ANKRD26: variants seen among roughly 807,000 people sequenced by gnomAD.
ANKRD26 encodes the protein ankyrin repeat domain-containing protein 26.
ANKRD26 carries 141 observed loss-of-function variants against 208.7 expected under a neutral mutation model. That is an observed-to-expected ratio of 0.68 (90% confidence interval 0.59 to 0.78). The LOEUF (loss-of-function observed/expected upper bound fraction) is 0.78. Ranked by LOEUF, ANKRD26 falls within the 30% of genes least tolerant of loss-of-function variation. The pLI is 0.00. For missense variants in ANKRD26, 1,889 were observed against 1,938.7 expected (o/e 0.97, Z 0.48); for synonymous variants, 636 against 660.4 (o/e 0.96, Z 0.57).
intron 25 of ANKRD26, among the ~76,000 whole-genome samples, chr10:27,032,403 G>C (rs963055998): frequency 1.3e-5 from 2 of 152,098 alleles, no homozygotes; most frequent in Non-Finnish European, 2.9e-5. Context: ...GGGAGGCCGA[G>C]GGGGGTGGAT....
chr10:27,051,176 T>C (rs2054644783), intron 16 of ANKRD26: 7 of 1,289,956 alleles, frequency 5.4e-6, no homozygotes, highest in African/African-American at 1.5e-5. Flanking sequence ...GAGATACTTT[T>C]GATGTTCTGT....
chr10:27,071,820 C>T (rs970286765), intron 9 of ANKRD26, among the ~76,000 whole-genome samples: 3 of 152,086 alleles, frequency 2.0e-5, no homozygotes, highest in Non-Finnish European at 2.9e-5. Context: ...AGCCCTAACT[C>T]CCCCCGCGCT....
chr10:27,037,482 A>G (rs1316076750), intron 22 of ANKRD26, among the ~76,000 whole-genome samples, 159 bp from the exon 23 acceptor site: 1 of 152,230 alleles, frequency 6.6e-6, no homozygotes, highest in Non-Finnish European at 1.5e-5. Context: ...TAATCACCTA[A>G]GTGACAGCTA....
At chr10:26,978,179 AG>A (rs1476317108) in intron 5 of ANKRD26, among the ~76,000 whole-genome samples, 1 of 151,974 alleles carries the variant, frequency 6.6e-6, no homozygotes, top group Non-Finnish European at 1.5e-5. Flanking sequence ...GGCAGGGTGC[AG>A]TGGCTCATGT....
At chr10:27,029,095 T>C (rs1458983448) in intron 26 of ANKRD26, 150 bp from the exon 27 acceptor site, 1 of 997,718 alleles carries the variant, frequency 1.0e-6, no homozygotes, top group African/African-American at 1.6e-5. Context: ...TTTCTAGTTG[T>C]GGTTTGTGGA....
At chr10:27,048,037 T>C (rs112805337) in intron 17 of ANKRD26, among the ~76,000 whole-genome samples, 1,749 of 152,226 alleles carry the variant, frequency 0.011, 36 homozygotes, top group African/African-American at 0.04. Context: ...CCACCGCACC[T>C]GGCCATAACT....
intron 4 of ANKRD26, among the ~76,000 whole-genome samples, chr10:27,089,610 G>A (rs1167188841): frequency 1.3e-5 from 2 of 152,118 alleles, no homozygotes; most frequent in Admixed American, 6.6e-5. Context: ...TAAGCAACAT[G>A]GCAAAACTCA....
intron 32 of ANKRD26, among the ~76,000 whole-genome samples, chr10:27,010,148 C>CA (rs200123717): frequency 2.0e-4 from 30 of 152,180 alleles, no homozygotes; most frequent in African/African-American, 7.2e-4. Context: ...TCTATTCTTT[C>CA]AAAAAAATTT....
At chr10:27,044,968 TATAA>T (rs1319628507) in intron 18 of ANKRD26, among the ~76,000 whole-genome samples, 4 of 152,228 alleles carry the variant, frequency 2.6e-5, no homozygotes, top group Admixed American at 1.3e-4. Flanking sequence ...TGGTTATAAT[TATAA>T]ATAATTTCTG....
At chr10:27,046,627 A>C (rs1481091890) in intron 17 of ANKRD26, 104 bp from the exon 18 acceptor site, 1 of 1,142,642 alleles carries the variant, frequency 8.8e-7, no homozygotes, top group Non-Finnish European at 1.2e-6. Context: ...AAATCCATTA[A>C]AAAGCCAATG....
intron 4 of ANKRD26, among the ~76,000 whole-genome samples, chr10:27,091,868 T>A (rs547773444): frequency 1.3e-5 from 2 of 151,794 alleles, no homozygotes; most frequent in African/African-American, 4.8e-5. Flanking sequence ...GCACCAGTAA[T>A]CCCAGCTACT....
intron 6 of ANKRD26, among the ~76,000 whole-genome samples, chr10:27,079,822 C>T (rs2055836503): frequency 6.6e-6 from 1 of 152,028 alleles, no homozygotes; most frequent in African/African-American, 2.4e-5. Flanking sequence ...CACTGCACTC[C>T]AGCCTGGGTG....
At chr10:27,075,734 A>C (rs2055671830) in intron 9 of ANKRD26, among the ~76,000 whole-genome samples, 1 of 152,220 alleles carries the variant, frequency 6.6e-6, no homozygotes, top group Admixed American at 6.5e-5. Flanking sequence ...CTTAAACTGC[A>C]CTCAAGAACA....
At position 27,042,685 on chromosome 10, in the gene ANKRD26, A is replaced by C. The variant is rs763874867; in HGVS notation, c.2161+741T>G. ...GGAGAATAGCGTGAACCCAGGAGGC[A>C]GACCTTGCAGTGAGCGGAGATCGCG... is the stretch of plus-strand genomic sequence containing the variant. On this transcript the variant is annotated intron_variant, in intron 20 of 33. Coordinates refer to ENST00000376087, the MANE Select transcript of ANKRD26 (RefSeq NM_014915.3). Among the ~76,000 whole-genome samples, 6 of 151,984 alleles carry C rather than the reference A, an allele frequency of 3.9e-5. No individual in the cohort carries two copies. In the South Asian group the frequency reaches 8.3e-4, roughly 21 times the overall value.
chr10:26,988,877 C>A (rs567203899), downstream of ANKRD26, among the ~76,000 whole-genome samples: 228 of 89,276 alleles, frequency 2.6e-3, 2 homozygotes, highest in African/African-American at 7.6e-3. Context: ...GAGACCTCTT[C>A]TCAAAAAAAA....
At chr10:26,970,770 T>C (rs990191663), downstream of ANKRD26, among the ~76,000 whole-genome samples, 1 of 152,240 alleles carries the variant, frequency 6.6e-6, no homozygotes, top group Non-Finnish European at 1.5e-5. Context: ...AATTTCCGTA[T>C]ACACTCTCGC....
chr10:27,007,480 C>T (rs542671895), intron 32 of ANKRD26, among the ~76,000 whole-genome samples: 1 of 152,216 alleles, frequency 6.6e-6, no homozygotes, highest in Non-Finnish European at 1.5e-5. Context: ...ATAGTGAAAT[C>T]CCGTCTCTAT....
chr10:27,036,053 A>T (rs1186828338), intron 23 of ANKRD26, among the ~76,000 whole-genome samples: 1 of 152,076 alleles, frequency 6.6e-6, no homozygotes, highest in Non-Finnish European at 1.5e-5. Flanking sequence ...CAAAAGCATA[A>T]AAGATTAATA....
intron 12 of ANKRD26, among the ~76,000 whole-genome samples, chr10:27,061,591 ACT>A (rs1388625161): frequency 7.4e-6 from 1 of 135,332 alleles, no homozygotes; most frequent in Non-Finnish European, 1.5e-5. Flanking sequence ...ACAGAGTCTC[ACT>A]CTGTCACCCG....
Sources: gnomAD v4.1 joint callset for allele counts (sites outside exome capture counted in the v4.1 genomes callset) on GRCh38, gnomAD v4.1.1 for gene constraint, MANE v1.5 for transcripts, NCBI Gene and HGNC (gene_info 2026-07-23, HGNC 2026-07-21) for gene names.